PPIP5K2: variants seen among roughly 807,000 people sequenced by gnomAD.
PPIP5K2 encodes diphosphoinositol pentakisphosphate kinase 2, also known as inositol hexakisphosphate and diphosphoinositol-pentakisphosphate kinase 2.
PPIP5K2 carries 105 observed loss-of-function variants against 154.6 expected under a neutral mutation model. The observed-to-expected ratio is 0.68, with a 90% CI of 0.58 to 0.80. The LOEUF (loss-of-function observed/expected upper bound fraction) is 0.80, where lower values mean the gene tolerates loss of function less well. Ranked by LOEUF, PPIP5K2 falls within the 30% of genes least tolerant of loss-of-function variation. The probability of loss-of-function intolerance (pLI) is 0.00; values close to 1 mark genes in which losing one functional copy is unlikely to be tolerated. For missense variants in PPIP5K2, 992 were observed against 1,504.6 expected (o/e 0.66, Z 5.64); for synonymous variants, 480 against 490.3 (o/e 0.98, Z 0.28).
intron 5 of PPIP5K2, 137 bp downstream of exon 5, chr5:103,138,606 C>A: frequency 4.1e-6 from 2 of 485,300 alleles, no homozygotes; most frequent in Non-Finnish European, 3.6e-6. Context: ...TCTAAACAGA[C>A]AAACATATTC....
intron 18 of PPIP5K2, 66 bp from the exon 19 acceptor site, chr5:103,168,006 C>A: frequency 3.0e-6 from 3 of 1,008,664 alleles, no homozygotes; most frequent in Non-Finnish European, 4.4e-6. Flanking sequence ...TAATTATTAA[C>A]ATATTAATAT....
intron 5 of PPIP5K2, among the ~76,000 whole-genome samples, chr5:103,139,476 T>C (rs1410853306): frequency 6.6e-6 from 1 of 152,210 alleles, no homozygotes; most frequent in Non-Finnish European, 1.5e-5. Flanking sequence ...CCCCTAGTGC[T>C]AATACAGCTG....
At position 103,154,876 on chromosome 5, in the gene PPIP5K2, C is replaced by A. The variant is rs782549510; in HGVS notation, c.1336C>A (p.Gln446Lys). 1.2e-6 allele frequency: 2 copies of A among 1,605,558 alleles called. No homozygotes were observed. The highest frequency in any genetic ancestry group is 1.7e-6 in the Non-Finnish European group (2 of 1,176,498). Residue 446 changes from glutamine to lysine, a missense_variant, in exon 13 of 31, where the codon CAA becomes AAA. Around this residue, in one of 9 missense-constraint regions of PPIP5K2, gnomAD observed 163 missense variants for 285.2 expected, o/e 0.57. Transcript: ENST00000358359. ...IARQLLMELG[Q>K]NNDSEIEENK... is the part of the protein sequence containing the mutation. ...ACGACAGCTTCTTATGGAGCTAGGG[C>A]AAAATAATGATTCTGAAATTGAAGA...
Position 103,183,354 on chromosome 5 carries a change from G to C in PPIP5K2, c.3043G>C (p.Val1015Leu). 1 of 1,610,652 alleles carries C rather than the reference G, an allele frequency of 6.2e-7. No individual in the cohort carries two copies. Among genetic ancestry groups the C allele is most frequent in the Non-Finnish European group, 8.5e-7 (1 of 1,178,932 alleles). ...RSGEQITSSP[V>L]SPKSLAFTSS... Reference sequence around the variant, plus strand: ...AGGGGAACAAATCACTTCTTCCCCTGTCTCCCCCAAATCATTGGCTTTCAC... The same window carrying C: ...AGGGGAACAAATCACTTCTTCCCCTCTCTCCCCCAAATCATTGGCTTTCAC... The change falls in exon 25 of 31, where the codon GTC becomes CTC. Residue 1015 changes from valine (V) to leucine (L), a missense_variant. Val to Leu is a conservative substitution (Grantham distance 32). Around this residue, in one of 9 missense-constraint regions of PPIP5K2, gnomAD observed 204 missense variants for 224.0 expected, o/e 0.91. Coordinates refer to ENST00000358359, the MANE Select transcript of PPIP5K2 (RefSeq NM_001276277.3).
chr5:103,152,530 T>C, intron 9 of PPIP5K2, 118 bp from the exon 10 acceptor site: 1 of 604,822 alleles, frequency 1.7e-6, no homozygotes. Flanking sequence ...GTGGGTTATC[T>C]TTTATGTGAT....
intron 19 of PPIP5K2, among the ~76,000 whole-genome samples, chr5:103,170,018 A>T (rs927037258): frequency 6.6e-6 from 1 of 151,558 alleles, no homozygotes; most frequent in Non-Finnish European, 1.5e-5. Flanking sequence ...TGCTTATTTA[A>T]TCTCACCCCT....
chr5:103,200,231 C>A (rs1554229808), intron 30 of PPIP5K2, among the ~76,000 whole-genome samples: 1 of 152,146 alleles, frequency 6.6e-6, no homozygotes, highest in Non-Finnish European at 1.5e-5. Flanking sequence ...ATTTGACCAT[C>A]ATTTACAAAT....
chr5:103,197,671 G>A (rs1347621066), intron 30 of PPIP5K2, among the ~76,000 whole-genome samples: 5 of 149,124 alleles, frequency 3.4e-5, no homozygotes, highest in African/African-American at 5.0e-5. Flanking sequence ...CACCTCCCGG[G>A]TTCAAGCGAT....
At chr5:103,196,960 T>G (rs1253079139) in intron 30 of PPIP5K2, among the ~76,000 whole-genome samples, 1 of 152,090 alleles carries the variant, frequency 6.6e-6, no homozygotes, top group Non-Finnish European at 1.5e-5. Context: ...AAGAATATCA[T>G]GATAGAGTAA....
chr5:103,165,710 T>C lies in PPIP5K2; in HGVS notation c.1921-1469T>C, dbSNP rs114780397. ...AAGAAATCAGCAGTATACAAATGGATAACTCGTTTTAAGATGGGACGAGAT... is the reference window on the plus strand; with the variant it reads ...AAGAAATCAGCAGTATACAAATGGACAACTCGTTTTAAGATGGGACGAGAT... On this transcript the variant is annotated intron_variant, in intron 17 of 30. Coordinates refer to ENST00000358359, the MANE Select transcript of PPIP5K2 (RefSeq NM_001276277.3). Among the ~76,000 whole-genome samples the C allele has an allele frequency of 5.5e-3, 835 of 152,210 alleles. 11 individuals carry two copies. Among genetic ancestry groups the C allele is most frequent in the African/African-American group, 0.019 (793 of 41,566 alleles).
At position 103,120,455 on chromosome 5, in the gene PPIP5K2, A is replaced by G. The variant is rs1554198588; in HGVS notation, c.-318A>G. Reference sequence around the variant, plus strand: ...AGACCTGAATGGGCTTGACCATCTCACAACTGCTCGCGTGACGACCGCATT... The same window carrying G: ...AGACCTGAATGGGCTTGACCATCTCGCAACTGCTCGCGTGACGACCGCATT... On this transcript the variant is annotated 5_prime_UTR_variant, in exon 1 of 31. Transcript: ENST00000358359. 6 of 456,584 alleles carry G rather than the reference A, an allele frequency of 1.3e-5. No homozygotes were observed. The highest frequency in any genetic ancestry group is 1.0e-4 in the African/African-American group (5 of 50,044). 28.3% of individuals were successfully genotyped at this position (456,584 alleles called of 1,614,324 possible).
chr5:103,176,693 G>GA (rs538925025), intron 21 of PPIP5K2, among the ~76,000 whole-genome samples: 50 of 152,058 alleles, frequency 3.3e-4, no homozygotes, highest in African/African-American at 1.2e-3. Context: ...TACAACAAAG[G>GA]AAATTTATCT....
chr5:103,179,778 C>T (rs781840737), intron 23 of PPIP5K2, among the ~76,000 whole-genome samples: 1 of 151,874 alleles, frequency 6.6e-6, no homozygotes, highest in Non-Finnish European at 1.5e-5. Flanking sequence ...TTTTAATTGT[C>T]ATTTTACTGT....
intron 24 of PPIP5K2, 85 bp downstream of exon 24, chr5:103,180,273 G>C: frequency 8.3e-7 from 1 of 1,208,086 alleles, no homozygotes. Flanking sequence ...AGCTTTAATT[G>C]TGGAGCTTGG....
In PPIP5K2 at chr5:103,145,060, AG is replaced by A. The variant is rs1176622964; in HGVS notation, c.488-1465del. On this transcript the variant is annotated intron_variant, in intron 5 of 30. Transcript: ENST00000358359. ...ATATAAGAAGCTCAAACAGCTCTAT[AG>A]GAAAAAAAAAATCTAATTAAAATAT... Among the ~76,000 whole-genome samples, 7 of 152,210 alleles carry A rather than the reference AG, an allele frequency of 4.6e-5. No homozygotes were observed. In the East Asian group the frequency reaches 1.2e-3, roughly 25 times the overall value.
At chr5:103,168,016 T>C in intron 18 of PPIP5K2, 56 bp from the exon 19 acceptor site, 1 of 1,092,390 alleles carries the variant, frequency 9.2e-7, no homozygotes, top group Non-Finnish European at 1.3e-6. Context: ...CATATTAATA[T>C]ATATTCTAAA....
intron 30 of PPIP5K2, 36 bp downstream of exon 30, chr5:103,195,061 C>T (rs1187057141): frequency 6.3e-7 from 1 of 1,590,380 alleles, no homozygotes; most frequent in Non-Finnish European, 8.5e-7. Flanking sequence ...TGGATTTGCA[C>T]AGAAATTAGA....
At chr5:103,148,903 G>T (rs781921978) in intron 7 of PPIP5K2, among the ~76,000 whole-genome samples, 3 of 151,462 alleles carry the variant, frequency 2.0e-5, no homozygotes, top group Admixed American at 2.0e-4. Flanking sequence ...GTATTCCCTC[G>T]TAATACTCAA....
At position 103,209,024 on chromosome 5, in the gene PPIP5K2, T is replaced by C. The variant is rs1421305706; in HGVS notation, c.*7390T>C. ...AGAACAAAAGAAGCCTGCCTCTCTT[T>C]AGACTGCCCATCTCAATTATATTTT... On this transcript the variant is annotated 3_prime_UTR_variant, in exon 31 of 31. Transcript: ENST00000358359. 6.6e-6 allele frequency: 1 copy of C among 152,236 alleles called. No homozygotes were observed. The highest frequency in any genetic ancestry group is 2.4e-5 in the African/African-American group (1 of 41,476). 9.4% of individuals were successfully genotyped at this position (152,236 alleles called of 1,614,324 possible).
Sources: gnomAD v4.1 joint callset for allele counts (sites outside exome capture counted in the v4.1 genomes callset) on GRCh38, gnomAD v4.1.1 for gene constraint, gnomAD v4.1.1 regional missense constraint, MANE v1.5 for transcripts, NCBI Gene and HGNC (gene_info 2026-07-23, HGNC 2026-07-21) for gene names.